The following CNTNAP1 variants were observed in gnomAD, a reference collection of about 807,000 sequenced individuals.
The protein encoded by CNTNAP1 is contactin associated protein 1.
In CNTNAP1, 80 loss-of-function variants were observed where a neutral mutation model predicts 161.5. The ratio of observed to expected loss-of-function variants is 0.50; its 90% CI spans 0.41 to 0.60. The LOEUF (loss-of-function observed/expected upper bound fraction) is 0.60. Among genes scored for constraint, CNTNAP1 ranks in the 20% least tolerant of loss-of-function variants. CNTNAP1 has a pLI of 0.00. For synonymous variants in CNTNAP1, 695 were observed against 733.1 expected, an observed-to-expected ratio of 0.95 and a Z score of 0.84; for missense variants, 1,464 against 1,854.8, an observed-to-expected ratio of 0.79 and a Z score of 3.87.
chr17:42,692,958 C>CTTTTT (rs1246701076), intron 17 of CNTNAP1, among the ~76,000 whole-genome samples: 1 of 140,442 alleles, frequency 7.1e-6, no homozygotes, highest in Non-Finnish European at 1.6e-5. Context: ...CATTTCTTTT[C>CTTTTT]TTTTTTTTTT....
chr17:42,698,667 C>G lies in CNTNAP1; in HGVS notation c.3912C>G (p.Phe1304Leu). The G allele has an allele frequency of 6.2e-7, 1 of 1,609,632 alleles. No homozygotes were observed. The highest frequency in any genetic ancestry group is 2.2e-5 in the East Asian group (1 of 44,758). Residue 1304 changes from phenylalanine to leucine, a missense_variant, in exon 24 of 24, where the codon TTC (phenylalanine) becomes TTG (leucine). Physicochemically the swap from Phe to Leu is conservative, Grantham distance 22 (BLOSUM62 0). Around this residue, in one of 3 missense-constraint regions of CNTNAP1, gnomAD observed 1,383 missense variants for 1,765.0 expected, o/e 0.78. Coordinates refer to ENST00000264638, the MANE Select transcript of CNTNAP1 (RefSeq NM_003632.3). ...LLGLVGMLVL[F>L]YLQNHRYKGS... Reference sequence around the variant, plus strand: ...GGCTGGTGGGAATGTTGGTGCTCTTCTATCTGCAAAATCATCGCTATAAGG... The same window carrying G: ...GGCTGGTGGGAATGTTGGTGCTCTTGTATCTGCAAAATCATCGCTATAAGG...
In CNTNAP1 at chr17:42,688,943, G is replaced by A; in HGVS notation, c.1524G>A (p.Glu508=). 6.2e-7 allele frequency: 1 copy of A among 1,614,122 alleles called. No homozygotes were observed. The highest frequency in any genetic ancestry group is 8.5e-7 in the Non-Finnish European group (1 of 1,180,002). Residue 508 remains glutamate, a synonymous_variant, in exon 10 of 24, where the codon GAG becomes GAA. Transcript: ENST00000264638. ...AGACGGCATTCCATGGCTGCATGGA[G>A]CTGCTCAAGGTGGATGGTCAACTGG... The part of the protein sequence containing the change: ...SNQTAFHGCM[E]LLKVDGQLVN...
At chr17:42,683,719 G>A in intron 1 of CNTNAP1, 102 bp from the exon 2 acceptor site, 1 of 1,471,748 alleles carries the variant, frequency 6.8e-7, no homozygotes, top group Non-Finnish European at 9.0e-7. Context: ...GGGGGCGGGG[G>A]TTGGGGGCAC....
rs1004998048 is a variant in CNTNAP1, at chr17:42,683,254, A to T, written c.67+358A>T. The stretch of plus-strand genomic sequence containing the variant: ...GCCAGGGCTTAAGGCTGGACTTTGG[A>T]GCTGGCCAAGGGGTGGGGTTTGTGG... On this transcript the variant is annotated intron_variant, in intron 1 of 23. Coordinates refer to ENST00000264638, the MANE Select transcript of CNTNAP1 (RefSeq NM_003632.3). 1.3e-5 allele frequency: 9 copies of T among 668,936 alleles called. No individual in the cohort carries two copies. The South Asian group carries it at 2.6e-4, about 19-fold the overall frequency. The allele number at this position is 668,936 out of a possible 1,614,324, so 41.4% of individuals were successfully genotyped here.
chr17:42,698,575 G>T, intron 23 of CNTNAP1, 43 bp from the exon 24 acceptor site: 1 of 1,471,562 alleles, frequency 6.8e-7, no homozygotes, highest in Non-Finnish European at 9.3e-7. Context: ...GTGTATACAG[G>T]TGAGATCCCA....
intron 6 of CNTNAP1, among the ~76,000 whole-genome samples, chr17:42,686,504 T>C (rs896518181): frequency 5.0e-5 from 6 of 119,908 alleles, no homozygotes; most frequent in African/African-American, 3.0e-5. Flanking sequence ...GTGGGTGTTG[T>C]TGCTGTTAGC....
chr17:42,695,996 A>C, intron 19 of CNTNAP1, 29 bp from the exon 20 acceptor site: 1 of 1,611,526 alleles, frequency 6.2e-7, no homozygotes, highest in African/African-American at 1.3e-5. Context: ...GGGGCCTGAG[A>C]CCCCAAATTT....
rs1346017642 is a variant in CNTNAP1, at chr17:42,685,164, G to A, written c.511+26G>A. 6.2e-7 allele frequency: 1 copy of A among 1,609,044 alleles called. No homozygotes were observed. On this transcript the variant is annotated intron_variant, in intron 4 of 23. Transcript: ENST00000264638. The surrounding 1 kb of genome is among the most constrained non-coding windows in gnomAD (Gnocchi z 5.0). ...GTAAGTGTGCAGAGAGCGCGGAGGG[G>A]GCCTGGGAGACAGCCTCCCCAGTTC...
intron 20 of CNTNAP1, 146 bp downstream of exon 20, chr17:42,696,298 A>C: frequency 2.9e-6 from 3 of 1,024,004 alleles, no homozygotes; most frequent in South Asian, 1.7e-5. Context: ...TGTAACCCTC[A>C]CAATAGCTCC....
At chr17:42,689,493 C>T in intron 10 of CNTNAP1, 28 bp from the exon 11 acceptor site, 1 of 1,580,778 alleles carries the variant, frequency 6.3e-7, no homozygotes, top group South Asian at 1.1e-5. Flanking sequence ...AGTAAGGCTC[C>T]TTCCCTTGGT....
chr17:42,683,663 GC>G (rs2052967080), intron 1 of CNTNAP1, 157 bp from the exon 2 acceptor site: 2 of 1,438,994 alleles, frequency 1.4e-6, no homozygotes, highest in African/African-American at 2.9e-5. Context: ...TGTTGCTGCA[GC>G]CAGGATTGAA....
intron 20 of CNTNAP1, 49 bp from the exon 21 acceptor site, chr17:42,697,225 T>G (rs2053161860): frequency 2.2e-6 from 3 of 1,336,918 alleles, no homozygotes; most frequent in African/African-American, 2.9e-5. Context: ...GGCATCTGCT[T>G]CTGGTCCCCG....
In CNTNAP1 at chr17:42,682,566, AGGGGGGAG is replaced by A. The variant is rs1181103492; in HGVS notation, c.-262_-255del. 2.2e-6 allele frequency: 1 copy of A among 455,552 alleles called. No individual in the cohort carries two copies. The highest frequency in any genetic ancestry group is 2.1e-5 in the African/African-American group (1 of 47,902). 28.2% of individuals were successfully genotyped at this position (455,552 alleles called of 1,614,324 possible). Reference sequence around the variant, plus strand: ...CGTGCCAGGAGACAGAGGCTGGGGAAGGGGGGAGGTGAGAGGAAAGAGGGTGGAAAGGA... The same window carrying A: ...CGTGCCAGGAGACAGAGGCTGGGGAAGTGAGAGGAAAGAGGGTGGAAAGGA... On this transcript the variant is annotated 5_prime_UTR_variant, in exon 1 of 24. Coordinates refer to ENST00000264638, the MANE Select transcript of CNTNAP1 (RefSeq NM_003632.3).
rs965213043 is a variant in CNTNAP1 at position 42,695,826 on chromosome 17, G to A, written c.3298G>A (p.Val1100Ile). 7.4e-6 allele frequency: 12 copies of A among 1,614,142 alleles called. No homozygotes were observed. The highest frequency in any genetic ancestry group is 4.4e-5 in the South Asian group (4 of 91,082). The change falls in exon 19 of 24, where the codon GTC (valine) becomes ATC (isoleucine). Residue 1100 changes from valine to isoleucine, a missense_variant. Coordinates refer to ENST00000264638, the MANE Select transcript of CNTNAP1 (RefSeq NM_003632.3). Reference sequence around the variant, plus strand: ...CTCCGCCCCTGCTGTCCTGCTCTACGTCAGTTCCTTTGTTCGTGACTACAT... The same window carrying A: ...CTCCGCCCCTGCTGTCCTGCTCTACATCAGTTCCTTTGTTCGTGACTACAT... ...TSSAPAVLLY[V>I]SSFVRDYMAV...
intron 23 of CNTNAP1, 79 bp from the exon 24 acceptor site, chr17:42,698,539 G>A: frequency 9.4e-7 from 1 of 1,060,014 alleles, no homozygotes; most frequent in East Asian, 2.7e-5. Flanking sequence ...GAGTGCGTGT[G>A]TGTGTGTGTG....
At chr17:42,684,936 T>G in intron 3 of CNTNAP1, 55 bp from the exon 4 acceptor site, 1 of 1,576,534 alleles carries the variant, frequency 6.3e-7, no homozygotes, top group Non-Finnish European at 8.6e-7. Context: ...AAAAATAAAA[T>G]AAAAAAAAGA....
intron 1 of CNTNAP1, 148 bp downstream of exon 1, chr17:42,683,044 C>G (rs2052957175): frequency 6.5e-6 from 5 of 771,246 alleles, no homozygotes; most frequent in African/African-American, 3.6e-5. Flanking sequence ...GCCTCTCCCC[C>G]GCGCTCCGCA....
In CNTNAP1 at chr17:42,685,409, A is replaced by G; in HGVS notation, c.704A>G (p.His235Arg). The G allele has an allele frequency of 1.2e-6, 2 of 1,602,798 alleles. No individual in the cohort carries two copies. Among genetic ancestry groups the G allele is most frequent in the Non-Finnish European group, 1.7e-6 (2 of 1,179,810 alleles). The change falls in exon 5 of 24, where the codon CAC becomes CGC. Residue 235 changes from histidine (H) to arginine (R), a missense_variant. By Grantham distance (29) the His-to-Arg change is conservative. Coordinates refer to ENST00000264638, the MANE Select transcript of CNTNAP1 (RefSeq NM_003632.3). The surrounding 1 kb of genome is among the most constrained non-coding windows in gnomAD (Gnocchi z 5.0). ...CTGGAGGGGGCACACCTGCTGCTGC[A>G]CATGAGCCTGGGTGAGCTCGGCGAC... Reference protein sequence around the residue: ...LELEGAHLLLHMSLGSSPIQP... With the variant: ...LELEGAHLLLRMSLGSSPIQP...
rs142756549 is a variant in CNTNAP1, at chr17:42,696,039, C to A, written c.3361C>A (p.Arg1121=). ...CCACCCCACAGGGACCCTTCAGCTG[C>A]GATATCAGCTGGGCACCAGTCCCTA... The part of the protein sequence containing the change: ...LIKDDGTLQL[R]YQLGTSPYVY... The change falls in exon 20 of 24, where the codon CGA becomes AGA. Residue 1121 remains arginine, a synonymous_variant. Coordinates refer to ENST00000264638, the MANE Select transcript of CNTNAP1 (RefSeq NM_003632.3). 9 of 1,613,980 alleles carry A rather than the reference C, an allele frequency of 5.6e-6. No individual in the cohort carries two copies. In the African/African-American group the frequency reaches 1.1e-4, roughly 19 times the overall value.
Sources: allele counts gnomAD v4.1 joint callset (sites outside exome capture counted in the v4.1 genomes callset), GRCh38; gene constraint gnomAD v4.1.1; regional missense constraint gnomAD v4.1.1; non-coding constraint Gnocchi (gnomAD v3.1); transcripts MANE v1.5; gene names NCBI Gene and HGNC (gene_info 2026-07-23, HGNC 2026-07-21).